RBFOX1: variants seen among roughly 807,000 people sequenced by gnomAD.
RBFOX1 encodes RNA binding protein fox-1 homolog 1.
A neutral mutation model predicts 57.7 loss-of-function variants in RBFOX1; 8 were observed. The ratio of observed to expected loss-of-function variants is 0.14; its 90% CI spans 0.08 to 0.25. The LOEUF is 0.25. Among genes scored for constraint, RBFOX1 ranks in the 10% least tolerant of loss-of-function variants. RBFOX1 has a pLI of 1.00. For synonymous variants in RBFOX1, 326 were observed against 222.4 expected (o/e 1.47, Z -4.15); for missense variants, 611 against 548.5 (o/e 1.11, Z -1.14).
intron 1 of RBFOX1, among the ~76,000 whole-genome samples, chr16:6,231,942 A>G (rs1194872307): frequency 2.0e-5 from 3 of 151,658 alleles, no homozygotes; most frequent in Admixed American, 6.6e-5. Context: ...ACTTACTTCA[A>G]AGGGATCAAA....
intron 3 of RBFOX1, among the ~76,000 whole-genome samples, chr16:6,735,356 A>G (rs913018282): frequency 1.5e-4 from 23 of 152,232 alleles, no homozygotes; most frequent in African/African-American, 5.1e-4. Flanking sequence ...GCCGTCAGCT[A>G]GGGAGCTTGT....
At chr16:6,882,808 A>G (rs1007013792) in intron 3 of RBFOX1, among the ~76,000 whole-genome samples, 5 of 152,012 alleles carry the variant, frequency 3.3e-5, no homozygotes, top group African/African-American at 7.2e-5. Flanking sequence ...GGGGGTATCA[A>G]TTCTCTGTTT....
intron 2 of RBFOX1, among the ~76,000 whole-genome samples, chr16:5,591,043 A>G (rs1174254040): frequency 1.3e-5 from 2 of 151,676 alleles, no homozygotes; most frequent in East Asian, 1.9e-4. Flanking sequence ...GGAAAATGGC[A>G]AGAAATGAAG....
chr16:6,341,316 T>G (rs562459260), intron 2 of RBFOX1, among the ~76,000 whole-genome samples: 2 of 152,232 alleles, frequency 1.3e-5, no homozygotes, highest in East Asian at 3.9e-4. Flanking sequence ...TTGAGTCTCT[T>G]TCACATCAAA....
intron 1 of RBFOX1, chr16:6,038,136 A>G (rs1265206980): frequency 6.6e-6 from 1 of 151,698 alleles, no homozygotes; most frequent in Non-Finnish European, 1.5e-5. Context: ...CTTGCTTATG[A>G]ATATATTGGA....
At chr16:6,859,118 T>TATATAC (rs2058438405) in intron 3 of RBFOX1, among the ~76,000 whole-genome samples, 1 of 55,248 alleles carries the variant, frequency 1.8e-5, no homozygotes, top group Non-Finnish European at 3.3e-5. Context: ...AGTGTATATA[T>TATATAC]ATATATATAT....
chr16:5,758,148 C>T (rs1455781773), intron 3 of RBFOX1, among the ~76,000 whole-genome samples: 1 of 152,232 alleles, frequency 6.6e-6, no homozygotes, highest in Non-Finnish European at 1.5e-5. Flanking sequence ...CCAGGAAAGA[C>T]TCCACTAATT....
intron 4 of RBFOX1, among the ~76,000 whole-genome samples, chr16:7,423,994 A>G (rs2098577421): frequency 6.6e-6 from 1 of 152,168 alleles, no homozygotes; most frequent in Non-Finnish European, 1.5e-5. Context: ...GGAGAACTAA[A>G]GGCATTTGAC....
At chr16:6,875,631 T>G (rs903754230) in intron 3 of RBFOX1, among the ~76,000 whole-genome samples, 1 of 152,210 alleles carries the variant, frequency 6.6e-6, no homozygotes, top group Non-Finnish European at 1.5e-5. Context: ...TTGATCCACA[T>G]CTGGATAAAA....
chr16:6,402,140 T>C (rs1453249325), intron 2 of RBFOX1, among the ~76,000 whole-genome samples: 1 of 148,716 alleles, frequency 6.7e-6, no homozygotes. Context: ...CCCAAAAAAA[T>C]GCTAAGCATG....
intron 3 of RBFOX1, among the ~76,000 whole-genome samples, chr16:6,776,871 G>A (rs1387133519): frequency 6.6e-6 from 1 of 152,194 alleles, no homozygotes; most frequent in Non-Finnish European, 1.5e-5. Flanking sequence ...AATGAACATG[G>A]CATGTGGCAC....
At position 5,466,685 on chromosome 16, in the gene RBFOX1, C is replaced by G. The variant is rs143156689; in HGVS notation, c.220-531C>G. On this transcript the variant is annotated intron_variant, in intron 1 of 2. Transcript: ENST00000585867. ...ATATGCTCTGGTCCCTGCCTGCCTC[C>G]TTGACATCATCTCTTTGCCTCTCCC... is the stretch of plus-strand genomic sequence containing the variant. Among the ~76,000 whole-genome samples the G allele has an allele frequency of 2.7e-4, 41 of 152,294 alleles. No homozygotes were observed. In the East Asian group the frequency reaches 7.1e-3, roughly 27 times the overall value.
At chr16:6,940,551 C>A (rs1049148975) in intron 3 of RBFOX1, among the ~76,000 whole-genome samples, 6 of 152,092 alleles carry the variant, frequency 3.9e-5, no homozygotes, top group Non-Finnish European at 7.3e-5. Flanking sequence ...TCTAATTCAT[C>A]CTCTTGGAGA....
intron 2 of RBFOX1, among the ~76,000 whole-genome samples, chr16:6,360,395 T>G (rs1756136497): frequency 1.3e-5 from 2 of 152,170 alleles, no homozygotes; most frequent in Admixed American, 1.3e-4. Flanking sequence ...CTTATCAAAT[T>G]TATTGAGATG....
chr16:6,803,980 G>A (rs892298989), intron 3 of RBFOX1, among the ~76,000 whole-genome samples: 2 of 151,952 alleles, frequency 1.3e-5, no homozygotes, highest in Non-Finnish European at 2.9e-5. Flanking sequence ...AACATATGAA[G>A]CTAAACTGTA....
At chr16:5,823,227 A>G (rs1437009898) in intron 3 of RBFOX1, among the ~76,000 whole-genome samples, 1 of 152,174 alleles carries the variant, frequency 6.6e-6, no homozygotes, top group African/African-American at 2.4e-5. Context: ...TCACTTTGCT[A>G]TTCTAGCATA....
At chr16:7,221,375 A>ATTTG (rs1350380838) in intron 4 of RBFOX1, among the ~76,000 whole-genome samples, 3 of 150,514 alleles carry the variant, frequency 2.0e-5, no homozygotes, top group Admixed American at 6.6e-5. Flanking sequence ...TTTTTTATTT[A>ATTTG]TTTATTTATG....
intron 2 of RBFOX1, among the ~76,000 whole-genome samples, chr16:6,439,648 G>C: frequency 6.6e-6 from 1 of 152,026 alleles, no homozygotes; most frequent in East Asian, 1.9e-4. Context: ...TCTCCTGTGT[G>C]GCTCAGAACT....
chr16:7,213,649 GA>G (rs1478438388), intron 4 of RBFOX1, among the ~76,000 whole-genome samples: 1 of 152,038 alleles, frequency 6.6e-6, no homozygotes, highest in East Asian at 1.9e-4. Context: ...ATCTTGAGAT[GA>G]GCTATCTCAT....
Sources: gnomAD v4.1 joint callset for allele counts (sites outside exome capture counted in the v4.1 genomes callset) on GRCh38, gnomAD v4.1.1 for gene constraint, MANE v1.5 for transcripts, NCBI Gene and HGNC (gene_info 2026-07-23, HGNC 2026-07-21) for gene names.